LRRC7: variants seen among roughly 807,000 people sequenced by gnomAD.
The protein encoded by LRRC7 is leucine rich repeat containing 7.
Under a neutral mutation model 175.7 loss-of-function variants are expected in LRRC7, and 23 were observed. The ratio of observed to expected loss-of-function variants is 0.13; its 90% CI spans 0.09 to 0.19. LRRC7 has a LOEUF of 0.19. LRRC7 is among the 10% of genes least tolerant of loss of function. The pLI, the probability that LRRC7 is intolerant of heterozygous loss-of-function variation, is 1.00. For missense variants in LRRC7, 1,354 were observed against 1,904.7 expected (o/e 0.71, Z 5.38); for synonymous variants, 685 against 680.9 (o/e 1.01, Z -0.09).
chr1:70,016,340 C>A, intron 13 of LRRC7, 125 bp from the exon 14 acceptor site: 1 of 563,230 alleles, frequency 1.8e-6, no homozygotes, highest in East Asian at 3.1e-5. Flanking sequence ...ATTGTTCAGG[C>A]TGCTCAATGG....
chr1:69,602,828 C>G (rs181740535), intron 1 of LRRC7, among the ~76,000 whole-genome samples: 1 of 152,250 alleles, frequency 6.6e-6, no homozygotes, highest in South Asian at 2.1e-4. Flanking sequence ...ATTATAATAC[C>G]TTATTCTTAC....
rs1571155794 is a variant in LRRC7 at position 70,043,951 on chromosome 1, C to T, written c.3970-3C>T. The T allele has an allele frequency of 1.9e-6, 3 of 1,603,998 alleles. No individual in the cohort carries two copies. Among genetic ancestry groups the T allele is most frequent in the Non-Finnish European group, 2.6e-6 (3 of 1,172,482 alleles). ...CTGTCACATGATTATTTCCTCTACTCAGAATGCTGCTTACAAACACAATAC... is the reference window on the plus strand; with the variant it reads ...CTGTCACATGATTATTTCCTCTACTTAGAATGCTGCTTACAAACACAATAC... On this transcript the variant is annotated splice_polypyrimidine_tract_variant and splice_region_variant and intron_variant, in intron 21 of 26. Transcript: ENST00000651989.
At chr1:69,926,011 C>T (rs982530709) in intron 7 of LRRC7, among the ~76,000 whole-genome samples, 30 of 151,746 alleles carry the variant, frequency 2.0e-4, no homozygotes, top group Admixed American at 1.8e-3. Context: ...TCTTTGTTCT[C>T]GTTAGTTTCA....
intron 23 of LRRC7, among the ~76,000 whole-genome samples, chr1:70,057,516 G>A (rs1661242760): frequency 6.6e-6 from 1 of 152,168 alleles, no homozygotes. Context: ...TAAATTGAAT[G>A]GGGAATCAAA....
chr1:69,952,997 C>CAA (rs61277479), intron 8 of LRRC7, among the ~76,000 whole-genome samples: 122 of 56,858 alleles, frequency 2.1e-3, no homozygotes, highest in South Asian at 9.8e-3. Context: ...AGAGACAAGG[C>CAA]AAAAAAAAAA....
At position 69,788,349 on chromosome 1, in the gene LRRC7, T is replaced by C. The variant is rs963255716; in HGVS notation, c.304-3694T>C. ...TTTATACAATAAAGCAGTGAGTGAG[T>C]GTGAGGGTGTTTAGTTTTGCTGTAC... is the stretch of plus-strand genomic sequence containing the variant. On this transcript the variant is annotated intron_variant, in intron 3 of 26. Coordinates refer to ENST00000651989, the MANE Select transcript of LRRC7 (RefSeq NM_001370785.2). 2.6e-5 allele frequency among the ~76,000 whole-genome samples: 4 copies of C among 152,158 alleles called. No homozygotes were observed. The East Asian group carries it at 5.8e-4, about 22-fold the overall frequency.
At chr1:69,991,755 A>G (rs1179775694) in intron 10 of LRRC7, among the ~76,000 whole-genome samples, 1 of 152,156 alleles carries the variant, frequency 6.6e-6, no homozygotes, top group African/African-American at 2.4e-5. Context: ...TAAAATCTTT[A>G]CTTTCTTCAT....
chr1:69,777,669 C>T (rs1199919306), intron 3 of LRRC7, among the ~76,000 whole-genome samples: 1 of 152,170 alleles, frequency 6.6e-6, no homozygotes, highest in Non-Finnish European at 1.5e-5. Flanking sequence ...AGACAGTCAT[C>T]ATTTACTCTT....
intron 4 of LRRC7, among the ~76,000 whole-genome samples, chr1:69,806,700 G>A (rs1261798705): frequency 6.6e-6 from 1 of 151,892 alleles, no homozygotes; most frequent in Non-Finnish European, 1.5e-5. Flanking sequence ...TTAAATGAGT[G>A]TAATCAATGA....
chr1:69,734,811 T>A (rs1034315515), intron 2 of LRRC7, among the ~76,000 whole-genome samples: 2 of 151,934 alleles, frequency 1.3e-5, no homozygotes, highest in African/African-American at 2.4e-5. Flanking sequence ...GCTTCAGACA[T>A]TTTTTACTCC....
Position 69,873,500 on chromosome 1 carries a change from T to A in LRRC7, c.647+35217T>A, listed in dbSNP as rs756680576. On this transcript the variant is annotated intron_variant, in intron 7 of 26. Transcript: ENST00000651989. ...GATCCAGAGTGTGCCCCTTGCCCAA[T>A]CGCCTGAGACTATACAGTGACACCT... 3 of 533,138 alleles carry A rather than the reference T, an allele frequency of 5.6e-6. 1 individual carries two copies. Among genetic ancestry groups the A allele is most frequent in the South Asian group, 4.2e-5 (3 of 71,568 alleles). 33.0% of individuals were successfully genotyped at this position (533,138 alleles called of 1,614,324 possible).
At chr1:69,945,161 A>T (rs1649174033) in intron 8 of LRRC7, among the ~76,000 whole-genome samples, 1 of 152,130 alleles carries the variant, frequency 6.6e-6, no homozygotes, top group Non-Finnish European at 1.5e-5. Context: ...TAAGTCTTCA[A>T]CCCATTTTGA....
intron 21 of LRRC7, among the ~76,000 whole-genome samples, chr1:70,042,996 T>C (rs1660043304): frequency 7.7e-6 from 1 of 129,192 alleles, no homozygotes; most frequent in Admixed American, 7.8e-5. Context: ...CTTCTGTGAT[T>C]TTTTTTTTTC....
At chr1:69,714,777 T>G (rs1157409863) in intron 2 of LRRC7, among the ~76,000 whole-genome samples, 1 of 152,076 alleles carries the variant, frequency 6.6e-6, no homozygotes, top group Non-Finnish European at 1.5e-5. Flanking sequence ...ATTAGGAATC[T>G]GATGTTTTTT....
intron 2 of LRRC7, among the ~76,000 whole-genome samples, chr1:69,738,626 G>GA (rs757423408): frequency 2.0e-5 from 3 of 151,936 alleles, no homozygotes; most frequent in Admixed American, 6.6e-5. Context: ...TAGGGAGACT[G>GA]AATAATACCC....
intron 1 of LRRC7, among the ~76,000 whole-genome samples, chr1:69,664,474 T>A (rs1657981795): frequency 6.6e-6 from 1 of 152,234 alleles, no homozygotes. Flanking sequence ...CATTTGTTAT[T>A]TCCTGACTTT....
intron 2 of LRRC7, among the ~76,000 whole-genome samples, chr1:69,692,197 A>G (rs1399533638): frequency 6.6e-6 from 1 of 152,206 alleles, no homozygotes; most frequent in Non-Finnish European, 1.5e-5. Context: ...AGTGTATCTT[A>G]GCTGAAGCAG....
At chr1:69,987,806 TA>T (rs1654075439) in intron 10 of LRRC7, among the ~76,000 whole-genome samples, 1 of 152,246 alleles carries the variant, frequency 6.6e-6, no homozygotes, top group Admixed American at 6.5e-5. Flanking sequence ...TCTTTCTTCC[TA>T]GAATTGTTGA....
At chr1:69,866,410 C>G (rs1271557370) in intron 7 of LRRC7, among the ~76,000 whole-genome samples, 2 of 152,126 alleles carry the variant, frequency 1.3e-5, no homozygotes, top group African/African-American at 4.8e-5. Context: ...GTGAACTCAG[C>G]AGCAGGCTTG....
Sources: gnomAD v4.1 joint callset for allele counts (sites outside exome capture counted in the v4.1 genomes callset) on GRCh38, gnomAD v4.1.1 for gene constraint, MANE v1.5 for transcripts, NCBI Gene and HGNC (gene_info 2026-07-23, HGNC 2026-07-21) for gene names.